Variants in KLHL18 observed in about 807,000 individuals in gnomAD.
KLHL18 encodes kelch-like protein 18.
In KLHL18, 38 loss-of-function variants were observed where a neutral mutation model predicts 58.5. The ratio of observed to expected loss-of-function variants is 0.65; its 90% CI spans 0.50 to 0.85. The LOEUF (loss-of-function observed/expected upper bound fraction) is 0.85, where lower values mean the gene tolerates loss of function less well. Among genes scored for constraint, KLHL18 ranks in the 40% least tolerant of loss-of-function variants. The probability of loss-of-function intolerance (pLI) is 0.00; values close to 1 mark genes in which losing one functional copy is unlikely to be tolerated. For missense variants in KLHL18, 624 were observed against 778.4 expected (o/e 0.80, Z 2.36); for synonymous variants, 303 against 301.9 (o/e 1.00, Z -0.04).
intron 1 of KLHL18, among the ~76,000 whole-genome samples, chr3:47,300,155 A>C (rs1211678306): frequency 1.3e-3 from 136 of 107,370 alleles, no homozygotes; most frequent in Middle Eastern, 4.1e-3. Context: ...CCCCCTCTCC[A>C]CTCTTATCCC....
Position 47,329,135 on chromosome 3 carries a change from G to GA in KLHL18, c.402-808dup, listed in dbSNP as rs201999411. On this transcript the variant is annotated intron_variant, in intron 3 of 9. Transcript: ENST00000232766. The stretch of plus-strand genomic sequence containing the variant: ...CAAAGTGAGACCCTGTCTCAAAAAA[G>GA]AAAAAAAAGGAAAAAAAAAGACAAG... 9.1e-3 allele frequency among the ~76,000 whole-genome samples: 115 copies of GA among 12,644 alleles called. No individual in the cohort carries two copies. The East Asian group carries it at 0.41, about 46-fold the overall frequency. 8.3% of individuals were successfully genotyped at this position (12,644 alleles called of 152,430 possible).
chr3:47,344,088 C>T lies in KLHL18; in HGVS notation c.*147C>T. The T allele has an allele frequency of 9.8e-7, 1 of 1,023,044 alleles. No individual in the cohort carries two copies. Among genetic ancestry groups the T allele is most frequent in the Non-Finnish European group, 1.4e-6 (1 of 719,126 alleles). 63.4% of individuals were successfully genotyped at this position (1,023,044 alleles called of 1,614,324 possible). ...GTACAGTTTTTCCAGGTGCTTAAGC[C>T]CTCCCCCACTGTGCCACCCTTGTGA... On this transcript the variant is annotated 3_prime_UTR_variant, in exon 10 of 10. Coordinates refer to ENST00000232766, the MANE Select transcript of KLHL18 (RefSeq NM_025010.5).
chr3:47,324,958 C>T (rs1163414415), intron 3 of KLHL18, among the ~76,000 whole-genome samples: 1 of 152,180 alleles, frequency 6.6e-6, no homozygotes, highest in East Asian at 1.9e-4. Flanking sequence ...GACATTTTTT[C>T]ATTCAGCCCT....
intron 4 of KLHL18, among the ~76,000 whole-genome samples, chr3:47,332,564 C>T (rs918439599): frequency 7.4e-6 from 1 of 134,414 alleles, no homozygotes; most frequent in African/African-American, 2.8e-5. Flanking sequence ...ACTAGGTGTC[C>T]TGTCCCTAGC....
At position 47,331,194 on chromosome 3, in the gene KLHL18, C is replaced by G. The variant is rs989648671; in HGVS notation, c.600+1045C>G. ...CAGGCTGGAGTGCAGTGGCAACAAT[C>G]TCAGCTCACTGCACCTCTGCCTCCC... On this transcript the variant is annotated intron_variant, in intron 4 of 9. Transcript: ENST00000232766. 4.6e-5 allele frequency among the ~76,000 whole-genome samples: 7 copies of G among 152,090 alleles called. No individual in the cohort carries two copies. In the East Asian group the frequency reaches 1.3e-3, roughly 29 times the overall value.
intron 3 of KLHL18, among the ~76,000 whole-genome samples, chr3:47,324,294 CTTTCTTTTTTTTT>C (rs1483795584): frequency 7.5e-4 from 8 of 10,606 alleles, no homozygotes; most frequent in African/African-American, 1.5e-3. Flanking sequence ...CTTTTTCTTT[CTTTCTTTTTTTTT>C]TTTTTTTTTT....
intron 7 of KLHL18, 35 bp from the exon 8 acceptor site, chr3:47,340,537 C>G: frequency 6.2e-7 from 1 of 1,612,770 alleles, no homozygotes; most frequent in Non-Finnish European, 8.5e-7. Context: ...AGGAAGGCTG[C>G]GGCTCATCTG....
intron 1 of KLHL18, among the ~76,000 whole-genome samples, chr3:47,313,092 G>A (rs1703341698): frequency 6.6e-6 from 1 of 151,334 alleles, no homozygotes; most frequent in South Asian, 2.1e-4. Context: ...TGTATTTTTA[G>A]TAGAGACAGC....
chr3:47,285,970 G>A (rs1183646058), intron 1 of KLHL18, among the ~76,000 whole-genome samples: 1 of 151,664 alleles, frequency 6.6e-6, no homozygotes, highest in Non-Finnish European at 1.5e-5. Context: ...AGCCTGGGAG[G>A]CAGAGGCTGC....
chr3:47,305,707 A>G (rs1576149367), intron 1 of KLHL18, among the ~76,000 whole-genome samples: 1 of 152,288 alleles, frequency 6.6e-6, no homozygotes, highest in South Asian at 2.1e-4. Context: ...AACATTTGGT[A>G]GAATTCTCTG....
chr3:47,338,828 AAAG>A (rs1363854812), intron 7 of KLHL18: 1 of 152,256 alleles, frequency 6.6e-6, no homozygotes, highest in Non-Finnish European at 1.5e-5. Flanking sequence ...GTCTCAAAAA[AAAG>A]AAAAGGTAGC....
At chr3:47,314,623 G>T (rs908722557) in intron 1 of KLHL18, among the ~76,000 whole-genome samples, 1 of 151,872 alleles carries the variant, frequency 6.6e-6, no homozygotes, top group African/African-American at 2.4e-5. Context: ...ATGAGCCACC[G>T]CGCCCTGCAC....
intron 1 of KLHL18, among the ~76,000 whole-genome samples, chr3:47,300,770 G>C (rs938389468): frequency 6.7e-6 from 1 of 148,534 alleles, no homozygotes; most frequent in African/African-American, 2.5e-5. Context: ...CTCCCAGGTA[G>C]CTAGGATTCT....
At chr3:47,332,334 G>A (rs1322767657) in intron 4 of KLHL18, among the ~76,000 whole-genome samples, 1 of 151,958 alleles carries the variant, frequency 6.6e-6, no homozygotes, top group Non-Finnish European at 1.5e-5. Context: ...CAGCCTGGGC[G>A]ATGGGGCAAG....
intron 1 of KLHL18, among the ~76,000 whole-genome samples, chr3:47,309,763 C>G (rs1437100889): frequency 1.3e-5 from 2 of 152,144 alleles, no homozygotes; most frequent in African/African-American, 2.4e-5. Flanking sequence ...CTCGGGAGGC[C>G]GAGGCTGGCG....
intron 3 of KLHL18, among the ~76,000 whole-genome samples, chr3:47,324,110 C>T (rs184829221): frequency 2.8e-4 from 43 of 151,988 alleles, no homozygotes; most frequent in Non-Finnish European, 5.1e-4. Context: ...AGTAAAGCTG[C>T]GGAACCAACC....
chr3:47,285,383 C>T (rs771892440), intron 1 of KLHL18, among the ~76,000 whole-genome samples: 6 of 152,192 alleles, frequency 3.9e-5, no homozygotes, highest in African/African-American at 9.7e-5. Flanking sequence ...TAAATAGAGA[C>T]TAGTGAAAAG....
At chr3:47,320,689 G>A (rs909210002) in intron 2 of KLHL18, among the ~76,000 whole-genome samples, 65 of 152,256 alleles carry the variant, frequency 4.3e-4, no homozygotes, top group African/African-American at 3.6e-4. Context: ...AGGTCAAGGC[G>A]GGAGGATTGC....
intron 3 of KLHL18, among the ~76,000 whole-genome samples, chr3:47,325,011 C>A (rs1041271648): frequency 2.0e-5 from 3 of 152,106 alleles, no homozygotes; most frequent in Non-Finnish European, 4.4e-5. Flanking sequence ...TCTCCTGTTT[C>A]CTGCCACAGA....
Sources: gnomAD v4.1 joint callset for allele counts (sites outside exome capture counted in the v4.1 genomes callset) on GRCh38, gnomAD v4.1.1 for gene constraint, MANE v1.5 for transcripts, NCBI Gene and HGNC (gene_info 2026-07-23, HGNC 2026-07-21) for gene names.